The following MUC5B variants were observed in gnomAD, a reference collection of about 807,000 sequenced individuals.
MUC5B encodes the protein mucin 5B, oligomeric mucus/gel-forming.
In MUC5B, 116 loss-of-function variants were observed where a neutral mutation model predicts 376.9. The ratio of observed to expected loss-of-function variants is 0.31; its 90% CI spans 0.26 to 0.36. MUC5B has a LOEUF of 0.36. MUC5B is among the 10% of genes least tolerant of loss of function. The pLI, the probability that MUC5B is intolerant of heterozygous loss-of-function variation, is 1.00. For synonymous variants in MUC5B, 3,517 were observed against 3,390.9 expected, an observed-to-expected ratio of 1.04 and a Z score of -1.29; for missense variants, 7,165 against 7,769.9, an observed-to-expected ratio of 0.92 and a Z score of 2.93.
chr11:1,227,595 C>G, intron 6 of MUC5B, 80 bp from the exon 7 acceptor site: 1 of 687,246 alleles, frequency 1.5e-6, no homozygotes, highest in Non-Finnish European at 2.7e-6. Context: ...GTCCTCTGGC[C>G]TGGGCTCAGG....
chr11:1,225,861 C>G (rs1238711564), intron 2 of MUC5B, 124 bp downstream of exon 2: 1 of 916,280 alleles, frequency 1.1e-6, no homozygotes, highest in Non-Finnish European at 1.7e-6. Flanking sequence ...CCTGGGTCCC[C>G]TGCCCAGGAC....
At chr11:1,256,030 G>C (rs578245471) in intron 37 of MUC5B, 126 bp from the exon 38 acceptor site, 3 of 561,530 alleles carry the variant, frequency 5.3e-6, no homozygotes, top group Non-Finnish European at 9.5e-6. Context: ...TGTCCTGTGC[G>C]GTGAGTGGGG....
In MUC5B at chr11:1,233,274, G is replaced by A; in HGVS notation, c.2321+6G>A. On this transcript the variant is annotated splice_donor_region_variant and intron_variant, in intron 18 of 48. Transcript: ENST00000529681. ...CACGACGAGGGCGCCGTGTGGTAAGGGTCTGGGGGGAAAGCAGGCCCCCCA... is the reference window on the plus strand; with the variant it reads ...CACGACGAGGGCGCCGTGTGGTAAGAGTCTGGGGGGAAAGCAGGCCCCCCA... 1 of 1,540,768 alleles carries A rather than the reference G, an allele frequency of 6.5e-7. No individual in the cohort carries two copies. The highest frequency in any genetic ancestry group is 1.2e-5 in the South Asian group (1 of 84,332).
At position 1,235,432 on chromosome 11, in the gene MUC5B, G is replaced by A. The variant is rs1862135499; in HGVS notation, c.2880+19G>A. 1 of 1,600,916 alleles carries A rather than the reference G, an allele frequency of 6.2e-7. No individual in the cohort carries two copies. The highest frequency in any genetic ancestry group is 8.5e-7 in the Non-Finnish European group (1 of 1,172,332). ...CGTGGAGGTGAGAACGGCCCCAGCT[G>A]TGAGCACCCCCGACCCTGCAGCCAA... is the stretch of plus-strand genomic sequence containing the variant. On this transcript the variant is annotated intron_variant, in intron 23 of 48. Coordinates refer to ENST00000529681, the MANE Select transcript of MUC5B (RefSeq NM_002458.3).
Position 1,249,459 on chromosome 11 carries a change from C to T in MUC5B, c.12579C>T (p.Cys4193=). 1.2e-6 allele frequency: 2 copies of T among 1,611,458 alleles called. No homozygotes were observed. Among genetic ancestry groups the T allele is most frequent in the Non-Finnish European group, 1.7e-6 (2 of 1,179,646 alleles). ...GGGAGTTGGGCCAGGTCGTGGAATGCAGCCTGGACTTTGGCCTGGTCTGCA... is the reference window on the plus strand; with the variant it reads ...GGGAGTTGGGCCAGGTCGTGGAATGTAGCCTGGACTTTGGCCTGGTCTGCA... ...PLGELGQVVE[C]SLDFGLVCRN... Residue 4193 remains cysteine, a synonymous_variant, in exon 31 of 49, where the codon TGC becomes TGT. Transcript: ENST00000529681.
At chr11:1,232,261 C>T (rs1564933459) in intron 15 of MUC5B, 101 bp downstream of exon 15, 2 of 1,415,532 alleles carry the variant, frequency 1.4e-6, no homozygotes, top group African/African-American at 1.4e-5. Context: ...GATTGGGGAC[C>T]CCATGGAGGC....
rs1393051615 is a variant in MUC5B, at chr11:1,249,099, C to G, written c.12219C>G (p.Ser4073Arg). 1.2e-6 allele frequency: 2 copies of G among 1,610,830 alleles called. No homozygotes were observed. Among genetic ancestry groups the G allele is most frequent in the African/African-American group, 1.3e-5 (1 of 74,556 alleles). ...CCCTGTCCAGCCCTCACCCTAGCAG[C>G]AGGACCACCGAGTCACCCCCTTCCC... ...TPALSSPHPS[S>R]RTTESPPSPG... Residue 4073 changes from serine (S) to arginine (R), a missense_variant, in exon 31 of 49, where the codon AGC (serine) becomes AGG (arginine). Physicochemically the swap from Ser to Arg is moderately radical, Grantham distance 110 (BLOSUM62 -1). This residue lies in a region of MUC5B where 85 missense variants were observed against 78.2 expected (regional missense o/e 1.09). Coordinates refer to ENST00000529681, the MANE Select transcript of MUC5B (RefSeq NM_002458.3).
In MUC5B at chr11:1,232,771, G is replaced by T; in HGVS notation, c.2065+1G>T. ...AGCGACTGGAGGGACGGCGTCTGCA[G>T]TGAGTGCCCACGCTGGGGGTGGGAT... On this transcript the variant is annotated splice_donor_variant, in intron 17 of 48. Coordinates refer to ENST00000529681, the MANE Select transcript of MUC5B (RefSeq NM_002458.3). LOFTEE classifies it high-confidence loss of function. 1 of 1,590,600 alleles carries T rather than the reference G, an allele frequency of 6.3e-7. No individual in the cohort carries two copies. The highest frequency in any genetic ancestry group is 1.1e-5 in the South Asian group (1 of 89,010).
At position 1,258,900 on chromosome 11, in the gene MUC5B, G is replaced by T. The variant is rs1002099263; in HGVS notation, c.16594-42G>T. The T allele has an allele frequency of 3.0e-5, 46 of 1,548,380 alleles. No individual in the cohort carries two copies. Among genetic ancestry groups the T allele is most frequent in the Non-Finnish European group, 3.9e-5 (45 of 1,146,358 alleles). On this transcript the variant is annotated intron_variant, in intron 43 of 48. Coordinates refer to ENST00000529681, the MANE Select transcript of MUC5B (RefSeq NM_002458.3). The surrounding 1 kb of genome is among the most constrained non-coding windows in gnomAD (Gnocchi z 5.5). Reference sequence around the variant, plus strand: ...CATGGGGAGGGGTCCTGGCCCTGTTGCCCCACCAGTGCCCTCAGTGCCACC... The same window carrying T: ...CATGGGGAGGGGTCCTGGCCCTGTTTCCCCACCAGTGCCCTCAGTGCCACC...
rs563936822 is a variant in MUC5B, at chr11:1,245,916, G to T, written c.9036G>T (p.Pro3012=). The T allele has an allele frequency of 3.1e-6, 5 of 1,612,254 alleles. No homozygotes were observed. In the South Asian group the frequency reaches 5.5e-5, roughly 18 times the overall value. ...CAACCACTGGATCCACGGCCATCCC[G>T]TCCTCCACCCCGGGAACAGCTCCCC... ...TTATTGSTAI[P]SSTPGTAPPP... The change falls in exon 31 of 49, where the codon CCG becomes CCT. Residue 3012 remains proline, a synonymous_variant. Transcript: ENST00000529681.
At position 1,242,468 on chromosome 11, in the gene MUC5B, C is replaced by T. The variant is rs1336579991; in HGVS notation, c.5588C>T (p.Thr1863Ile). ...CTGACCTGCAAGAACGAAGACCAGA[C>T]AGGCAGGTTCAACATGTGCTTCAAC... ...TGLTCKNEDQTGRFNMCFNYN... is the reference protein window; with the variant it reads ...TGLTCKNEDQIGRFNMCFNYN... The change falls in exon 31 of 49, where the codon ACA (threonine) becomes ATA (isoleucine). Residue 1863 changes from threonine (T) to isoleucine (I), a missense_variant. Around this residue, in one of 31 missense-constraint regions of MUC5B, gnomAD observed 897 missense variants for 779.6 expected, o/e 1.15. Transcript: ENST00000529681. 1.9e-6 allele frequency: 3 copies of T among 1,613,690 alleles called. No individual in the cohort carries two copies. In the African/African-American group the frequency reaches 4.0e-5, roughly 22 times the overall value.
At chr11:1,259,678 G>A (rs1862945689) in intron 44 of MUC5B, 78 bp from the exon 45 acceptor site, 2 of 1,473,096 alleles carry the variant, frequency 1.4e-6, no homozygotes, top group African/African-American at 1.4e-5. Context: ...CCACTGGGGT[G>A]TAGACAGGAG....
In MUC5B at chr11:1,241,926, ACCCACTGTC is replaced by A; in HGVS notation, c.5049_5057del (p.Thr1684_Pro1686del). 3 of 1,609,046 alleles carry A rather than the reference ACCCACTGTC, an allele frequency of 1.9e-6. No individual in the cohort carries two copies. Among genetic ancestry groups the A allele is most frequent in the Non-Finnish European group, 2.5e-6 (3 of 1,177,996 alleles). On this transcript the variant is annotated inframe_deletion, in exon 31 of 49. Transcript: ENST00000529681. ...CCACGACGCCTGCAGGCTCCACAGA[ACCCACTGTC>A]CCAGGGGTGGCCACATCCACCCTTC...
rs55669149 is a variant in MUC5B at position 1,242,421 on chromosome 11, G to C, written c.5541G>C (p.Leu1847=). The change falls in exon 31 of 49, where the codon CTG becomes CTC. Residue 1847 remains leucine (L), a synonymous_variant. Coordinates refer to ENST00000529681, the MANE Select transcript of MUC5B (RefSeq NM_002458.3). ...EVSIDQVGQV[L]TCSLETGLTC... is the part of the protein sequence containing the mutation. Reference sequence around the variant, plus strand: ...GCATCGACCAGGTCGGGCAGGTGCTGACCTGCAGCCTGGAGACGGGGCTGA... The same window carrying C: ...GCATCGACCAGGTCGGGCAGGTGCTCACCTGCAGCCTGGAGACGGGGCTGA... 9.9e-6 allele frequency: 16 copies of C among 1,613,732 alleles called. No individual in the cohort carries two copies. Among genetic ancestry groups the C allele is most frequent in the Middle Eastern group, 1.6e-4 (1 of 6,084 alleles).
Position 1,235,074 on chromosome 11 carries a change from G to A in MUC5B, c.2631-11G>A. The stretch of plus-strand genomic sequence containing the variant: ...GCCCCTGTGAGCAGGCACCATTGTG[G>A]CCCCTTGCAGCACCTGCAGGAACCG... On this transcript the variant is annotated splice_polypyrimidine_tract_variant and intron_variant, in intron 21 of 48. Coordinates refer to ENST00000529681, the MANE Select transcript of MUC5B (RefSeq NM_002458.3). 1 of 1,606,346 alleles carries A rather than the reference G, an allele frequency of 6.2e-7. No homozygotes were observed. Among genetic ancestry groups the A allele is most frequent in the Non-Finnish European group, 8.5e-7 (1 of 1,176,252 alleles).
Position 1,258,244 on chromosome 11 carries a change from T to C in MUC5B, c.16555+41T>C. 1 of 1,534,750 alleles carries C rather than the reference T, an allele frequency of 6.5e-7. No individual in the cohort carries two copies. Among genetic ancestry groups the C allele is most frequent in the Non-Finnish European group, 8.8e-7 (1 of 1,132,168 alleles). ...GCCGGGCTCCTGGGTGGCCTCTTGC[T>C]GGGGGTGGGGGAGTGCAGGATGGTG... On this transcript the variant is annotated intron_variant, in intron 42 of 48. Transcript: ENST00000529681. The surrounding 1 kb of genome is among the most constrained non-coding windows in gnomAD (Gnocchi z 5.5).
At position 1,260,085 on chromosome 11, in the gene MUC5B, G is replaced by T. The variant is rs1862957264; in HGVS notation, c.16923G>T (p.Arg5641Ser). 1 of 1,612,266 alleles carries T rather than the reference G, an allele frequency of 6.2e-7. No individual in the cohort carries two copies. ...PASCPDVSSC[R>S]GSLRKTGCCY... is the part of the protein sequence containing the mutation. ...CCTGCCCAGATGTGTCCAGCTGCAG[G>T]GTGTGTGCTGGAGGCCCTGCCCCTG... is the stretch of plus-strand genomic sequence containing the variant. Residue 5641 changes from arginine to serine, a missense_variant and splice_region_variant, in exon 46 of 49, where the codon AGG becomes AGT. Around this residue, in one of 31 missense-constraint regions of MUC5B, gnomAD observed 842 missense variants for 1,016.9 expected, o/e 0.83. Transcript: ENST00000529681.
At chr11:1,228,429 A>G in intron 7 of MUC5B, 135 bp from the exon 8 acceptor site, 2 of 785,232 alleles carry the variant, frequency 2.5e-6, no homozygotes, top group African/African-American at 1.7e-5. Context: ...AGTGGGTGGA[A>G]GGGGTGGGGC....
At position 1,250,625 on chromosome 11, in the gene MUC5B, C is replaced by A; in HGVS notation, c.13745C>A (p.Ser4582Tyr). 1 of 1,612,884 alleles carries A rather than the reference C, an allele frequency of 6.2e-7. No homozygotes were observed. The highest frequency in any genetic ancestry group is 8.5e-7 in the Non-Finnish European group (1 of 1,179,106). Residue 4582 changes from serine (S) to tyrosine (Y), a missense_variant, in exon 31 of 49, where the codon TCC (serine) becomes TAC (tyrosine). This residue lies in a region of MUC5B where 730 missense variants were observed against 592.7 expected (regional missense o/e 1.23). Coordinates refer to ENST00000529681, the MANE Select transcript of MUC5B (RefSeq NM_002458.3). ...TGATGSVATP[S>Y]STPGTAHTTK... ...GCCACCGGCTCTGTGGCCACCCCCT[C>A]CTCCACCCCAGGAACAGCTCACACT... is the stretch of plus-strand genomic sequence containing the variant.
Sources: gnomAD v4.1 joint callset for allele counts on GRCh38, gnomAD v4.1.1 for gene constraint, gnomAD v4.1.1 regional missense constraint, Gnocchi (gnomAD v3.1) non-coding constraint, MANE v1.5 for transcripts, NCBI Gene and HGNC (gene_info 2026-07-23, HGNC 2026-07-21) for gene names.